Variants in SNX29 observed in about 807,000 individuals in gnomAD.
SNX29 encodes the protein sorting nexin-29.
A neutral mutation model predicts 102.1 loss-of-function variants in SNX29; 78 were observed. That is an observed-to-expected ratio of 0.76 (90% CI 0.64 to 0.92). The LOEUF is 0.92. Among genes scored for constraint, SNX29 ranks in the 40% least tolerant of loss-of-function variants. SNX29 has a pLI of 0.00. For missense variants in SNX29, 1,280 were observed against 1,061.7 expected (o/e 1.21, Z -2.86); for synonymous variants, 580 against 414.5 (o/e 1.40, Z -4.85).
intron 14 of SNX29, among the ~76,000 whole-genome samples, chr16:12,274,818 C>G (rs908584036): frequency 6.6e-6 from 1 of 152,118 alleles, no homozygotes; most frequent in African/African-American, 2.4e-5. Context: ...TTTACAGTCC[C>G]TGTTCTATTT....
chr16:12,499,050 T>A (rs911896559), intron 19 of SNX29, among the ~76,000 whole-genome samples: 4 of 152,198 alleles, frequency 2.6e-5, no homozygotes, highest in Admixed American at 6.5e-5. Flanking sequence ...GGCATTCTGC[T>A]TAATTCTCAT....
chr16:12,390,909 C>G (rs1181658791), intron 16 of SNX29, among the ~76,000 whole-genome samples: 1 of 150,976 alleles, frequency 6.6e-6, no homozygotes, highest in Non-Finnish European at 1.5e-5. Flanking sequence ...AAGAAAAAAA[C>G]ACTTACTTAG....
intron 11 of SNX29, among the ~76,000 whole-genome samples, chr16:12,083,176 G>A (rs2051993781): frequency 6.6e-6 from 1 of 151,910 alleles, no homozygotes; most frequent in African/African-American, 2.4e-5. Context: ...TGTGGTGGCT[G>A]GCACCTGTAA....
At chr16:12,274,812 C>T (rs942224127) in intron 14 of SNX29, among the ~76,000 whole-genome samples, 4 of 152,188 alleles carry the variant, frequency 2.6e-5, no homozygotes, top group Non-Finnish European at 5.9e-5. Context: ...CTTTCCTTTA[C>T]AGTCCCTGTT....
At chr16:12,448,013 A>T (rs936332007) in intron 18 of SNX29, among the ~76,000 whole-genome samples, 1 of 152,186 alleles carries the variant, frequency 6.6e-6, no homozygotes, top group Non-Finnish European at 1.5e-5. Flanking sequence ...CTTGGGAATG[A>T]TGATGATGGT....
At chr16:12,479,088 G>T (rs1300747033) in intron 19 of SNX29, among the ~76,000 whole-genome samples, 3 of 152,200 alleles carry the variant, frequency 2.0e-5, no homozygotes, top group Non-Finnish European at 2.9e-5. Flanking sequence ...GGAGCCCTTG[G>T]GAGCTGGTTA....
intron 18 of SNX29, among the ~76,000 whole-genome samples, chr16:12,466,841 G>T (rs1271336453): frequency 6.6e-6 from 1 of 152,218 alleles, no homozygotes; most frequent in Non-Finnish European, 1.5e-5. Context: ...ACTTAGCAGG[G>T]TGACATAAAG....
chr16:12,215,121 T>C (rs2077286581), intron 14 of SNX29, among the ~76,000 whole-genome samples: 2 of 152,166 alleles, frequency 1.3e-5, no homozygotes, highest in African/African-American at 4.8e-5. Flanking sequence ...TGCTAGACCC[T>C]GTGCTAACTG....
intron 18 of SNX29, among the ~76,000 whole-genome samples, chr16:12,460,994 C>G (rs1465993887): frequency 6.6e-6 from 1 of 152,220 alleles, no homozygotes; most frequent in Non-Finnish European, 1.5e-5. Flanking sequence ...TAATAGCCGA[C>G]TTTTGTTAAA....
Position 12,568,964 on chromosome 16 carries a change from G to C in SNX29, c.*335G>C, listed in dbSNP as rs980082807. 5.4e-6 allele frequency: 2 copies of C among 369,722 alleles called. No homozygotes were observed. Among genetic ancestry groups the C allele is most frequent in the African/African-American group, 4.1e-5 (2 of 48,934 alleles). 22.9% of individuals were successfully genotyped at this position (369,722 alleles called of 1,614,324 possible). On this transcript the variant is annotated 3_prime_UTR_variant, in exon 21 of 21. Coordinates refer to ENST00000566228, the MANE Select transcript of SNX29 (RefSeq NM_032167.5). ...GGGTGGGCACCAGGTCAGGCTGGGT[G>C]CGCCATGGTTGAGAGGCAAAGGTGA... is the stretch of plus-strand genomic sequence containing the variant.
intron 16 of SNX29, chr16:12,367,604 C>T (rs961699531): frequency 5.3e-5 from 8 of 152,170 alleles, no homozygotes; most frequent in African/African-American, 1.4e-4. Context: ...TTAAAACCTT[C>T]GGAGGGAGTG....
Position 12,048,452 on chromosome 16 carries a change from G to C in SNX29, c.580G>C (p.Asp194His), listed in dbSNP as rs2050174273. The change falls in exon 7 of 21, where the codon GAC becomes CAC. Residue 194 changes from aspartate (D) to histidine (H), a missense_variant. Asp to His is a moderately conservative substitution (Grantham distance 81). Transcript: ENST00000566228. The stretch of plus-strand genomic sequence containing the variant: ...GAGTAAGTTTGCTCCCACCGTTTCA[G>C]ACCTCTTAAAGGAGTCAACGCAGAA... ...GQSKFAPTVS[D>H]LLKESTQNVT... 1 of 1,613,788 alleles carries C rather than the reference G, an allele frequency of 6.2e-7. No homozygotes were observed. Among genetic ancestry groups the C allele is most frequent in the Non-Finnish European group, 8.5e-7 (1 of 1,179,880 alleles).
intron 7 of SNX29, among the ~76,000 whole-genome samples, chr16:12,051,615 C>G (rs1462402233): frequency 2.0e-5 from 3 of 152,220 alleles, no homozygotes; most frequent in Non-Finnish European, 1.5e-5. Context: ...GGAACAGTTT[C>G]AAGATGTGCT....
chr16:12,412,253 G>A (rs1016359702), intron 18 of SNX29, among the ~76,000 whole-genome samples: 3 of 152,202 alleles, frequency 2.0e-5, no homozygotes, highest in African/African-American at 4.8e-5. Context: ...TCTTATAGAT[G>A]AAGCAGCTGT....
chr16:12,322,824 TGA>T (rs1040117285), intron 15 of SNX29, among the ~76,000 whole-genome samples: 5 of 129,580 alleles, frequency 3.9e-5, no homozygotes, highest in Admixed American at 7.6e-5. Flanking sequence ...GAATCACTGA[TGA>T]CCACTGTCAG....
At chr16:12,555,647 C>A (rs1479463722) in intron 20 of SNX29, among the ~76,000 whole-genome samples, 2 of 152,160 alleles carry the variant, frequency 1.3e-5, no homozygotes, top group African/African-American at 2.4e-5. Context: ...CCCACTGATG[C>A]CAGACCCTGT....
At chr16:12,225,023 G>A (rs890344849) in intron 14 of SNX29, among the ~76,000 whole-genome samples, 2 of 152,154 alleles carry the variant, frequency 1.3e-5, no homozygotes, top group Non-Finnish European at 2.9e-5. Flanking sequence ...ACCAGCCTGT[G>A]GATCTTGACC....
At position 12,075,665 on chromosome 16, in the gene SNX29, C is replaced by T. The variant is rs112736372; in HGVS notation, c.1320-3168C>T. On this transcript the variant is annotated intron_variant, in intron 10 of 20. Transcript: ENST00000566228. ...CTGCCCGTTCTCAGATTTCCAGCTGCGTGCTGGGAGAACTACTGCTCTCCT... is the reference window on the plus strand; with the variant it reads ...CTGCCCGTTCTCAGATTTCCAGCTGTGTGCTGGGAGAACTACTGCTCTCCT... 9.2e-3 allele frequency among the ~76,000 whole-genome samples: 1,409 copies of T among 152,328 alleles called. 12 individuals are homozygous for T. Among genetic ancestry groups the T allele is most frequent in the South Asian group, 0.054 (262 of 4,828 alleles).
chr16:12,272,820 C>G (rs555575879), intron 14 of SNX29, among the ~76,000 whole-genome samples: 62 of 152,162 alleles, frequency 4.1e-4, no homozygotes, highest in Non-Finnish European at 8.5e-4. Context: ...TATCTCTGAT[C>G]AACACGCCTG....
Sources: gnomAD v4.1 joint callset for allele counts (sites outside exome capture counted in the v4.1 genomes callset) on GRCh38, gnomAD v4.1.1 for gene constraint, MANE v1.5 for transcripts, NCBI Gene and HGNC (gene_info 2026-07-23, HGNC 2026-07-21) for gene names.